DOC2B: variants seen among roughly 807,000 people sequenced by gnomAD.
The protein encoded by DOC2B is double C2 domain beta, also known as double C2-like domain-containing protein beta.
A neutral mutation model predicts 28.9 loss-of-function variants in DOC2B; 21 were observed. The observed-to-expected ratio is 0.73, with a 90% CI of 0.52 to 1.05. The LOEUF is 1.05. DOC2B is among the 50% of genes least tolerant of loss of function. The pLI is 0.00. For missense variants in DOC2B, 384 were observed against 421.1 expected, an observed-to-expected ratio of 0.91 and a Z score of 0.77; for synonymous variants, 194 against 178.1, an observed-to-expected ratio of 1.09 and a Z score of -0.71.
At chr17:174,593 G>A (rs889351096) in intron 1 of DOC2B, among the ~76,000 whole-genome samples, 5 of 152,082 alleles carry the variant, frequency 3.3e-5, no homozygotes, top group South Asian at 2.1e-4. Context: ...CGTATGTCAC[G>A]GTCATGTTCC....
At chr17:180,650 C>T (rs1427143992) in intron 1 of DOC2B, among the ~76,000 whole-genome samples, 1 of 152,002 alleles carries the variant, frequency 6.6e-6, no homozygotes, top group Admixed American at 6.6e-5. Flanking sequence ...CCCCAGCTCG[C>T]CCCAGCCCCG....
Position 181,457 on chromosome 17 carries a change from T to C in DOC2B, c.23A>G (p.Glu8Gly). The change falls in exon 1 of 9, where the codon GAG (glutamate) becomes GGG (glycine). Residue 8 changes from glutamate to glycine, a missense_variant. Transcript: ENST00000613549. The surrounding 1 kb of genome is among the most constrained non-coding windows in gnomAD (Gnocchi z 7.0). ...CTCCTGGATGCTGATGGTCGCCTTC[T>C]CCCCGCGCCGCCGGAGGGTCATGCA... MTLRRRG[E>G]KATISIQEHM... 8.8e-7 allele frequency: 1 copy of C among 1,131,830 alleles called. No individual in the cohort carries two copies. The highest frequency in any genetic ancestry group is 2.4e-5 in the South Asian group (1 of 41,744). The allele number at this position is 1,131,830 out of a possible 1,614,324, so 70.1% of individuals were successfully genotyped here. A position where few individuals can be genotyped will look rare whatever the true frequency, so the allele number is the denominator to read the frequency against.
At chr17:170,043 C>G (rs1305920377) in intron 2 of DOC2B, among the ~76,000 whole-genome samples, 2 of 152,232 alleles carry the variant, frequency 1.3e-5, no homozygotes, top group African/African-American at 2.4e-5. Context: ...TGGTGTCTGG[C>G]ATGGAGAGAG....
chr17:162,790 T>C (rs7209783), intron 3 of DOC2B, among the ~76,000 whole-genome samples: 112,397 of 152,182 alleles, frequency 0.74, 42,211 homozygotes, highest in East Asian at 0.86. Context: ...AGGAGGCCTG[T>C]GTGGAACTGG....
In DOC2B at chr17:152,574, C is replaced by T. The variant is rs557861022; in HGVS notation, c.924-3382G>A. On this transcript the variant is annotated intron_variant, in intron 6 of 8. Transcript: ENST00000613549. ...TTTGAGTCCAGCAGTTTGAGACCAG[C>T]CTGGCCAATACGGCAAAACCCAGTC... Among the ~76,000 whole-genome samples the T allele has an allele frequency of 1.4e-3, 217 of 152,190 alleles. 1 individual carries two copies. Among genetic ancestry groups the T allele is most frequent in the African/African-American group, 5.0e-3 (206 of 41,510 alleles).
At chr17:159,752 G>T (rs768991957) in intron 5 of DOC2B, among the ~76,000 whole-genome samples, 2 of 152,120 alleles carry the variant, frequency 1.3e-5, no homozygotes, top group Admixed American at 1.3e-4. Flanking sequence ...ATCCAGCAAC[G>T]CCCTGATCAT....
chr17:166,627 C>T (rs967776239), intron 2 of DOC2B, among the ~76,000 whole-genome samples: 6 of 152,222 alleles, frequency 3.9e-5, no homozygotes, highest in Non-Finnish European at 5.9e-5. Flanking sequence ...GAATACGTCT[C>T]ACGAGATCTG....
intron 6 of DOC2B, among the ~76,000 whole-genome samples, chr17:151,437 T>C (rs1002907134): frequency 5.9e-5 from 9 of 152,208 alleles, no homozygotes; most frequent in African/African-American, 2.2e-4. Flanking sequence ...AATTCAAAAA[T>C]CTGAAATCCC....
At chr17:178,362 A>G (rs1406949864) in intron 1 of DOC2B, among the ~76,000 whole-genome samples, 1 of 152,206 alleles carries the variant, frequency 6.6e-6, no homozygotes, top group Non-Finnish European at 1.5e-5. Flanking sequence ...AGCTGTCCTC[A>G]TTGTTTAAGC....
At chr17:174,275 G>A (rs1047330355) in intron 1 of DOC2B, among the ~76,000 whole-genome samples, 1 of 152,214 alleles carries the variant, frequency 6.6e-6, no homozygotes, top group Non-Finnish European at 1.5e-5. Context: ...CTTCCCTGCT[G>A]TGTGGCCAGC....
chr17:151,792 G>C (rs2040075132), intron 6 of DOC2B, among the ~76,000 whole-genome samples: 3 of 152,156 alleles, frequency 2.0e-5, no homozygotes, highest in Non-Finnish European at 4.4e-5. Context: ...CCTCAGCCTG[G>C]ACAACTTGTG....
intron 6 of DOC2B, among the ~76,000 whole-genome samples, chr17:150,380 C>T (rs536031036): frequency 7.4e-4 from 113 of 152,056 alleles, no homozygotes; most frequent in East Asian, 1.9e-3. Flanking sequence ...GTGAAGCCAC[C>T]GCCCAAAGAC....
rs370103166 is a variant in DOC2B, at chr17:161,456, G to C, written c.724C>G (p.His242Asp). Residue 242 changes from histidine (H) to aspartate (D), a missense_variant, in exon 5 of 9, where the codon CAC becomes GAC. Physicochemically the swap from His to Asp is moderately conservative, Grantham distance 81 (BLOSUM62 -1). Coordinates refer to ENST00000613549, the MANE Select transcript of DOC2B (RefSeq NM_003585.5). ...AGGCAGATGCTGAAGGTCTTGGTGT[G>C]GTTGGGTTTCAGCTTCTTCAGGGGC... ...RVPLKKLKPN[H>D]TKTFSICLEK... 19 of 1,551,598 alleles carry C rather than the reference G, an allele frequency of 1.2e-5. No homozygotes were observed. Among genetic ancestry groups the C allele is most frequent in the Non-Finnish European group, 1.5e-5 (17 of 1,146,988 alleles).
chr17:151,883 G>C (rs1036250381), intron 6 of DOC2B, among the ~76,000 whole-genome samples: 1 of 152,172 alleles, frequency 6.6e-6, no homozygotes, highest in Non-Finnish European at 1.5e-5. Flanking sequence ...GGACAGTTCC[G>C]CCAGCGTTGC....
Position 146,334 on chromosome 17 carries a change from A to G in DOC2B, c.*1107T>C, listed in dbSNP as rs2040018807. Reference sequence around the variant, plus strand: ...GGAATGCTTGCTTTTTTTCCCAAGCACAAGGGACCCTTTTCTCCACTGCAG... The same window carrying G: ...GGAATGCTTGCTTTTTTTCCCAAGCGCAAGGGACCCTTTTCTCCACTGCAG... On this transcript the variant is annotated 3_prime_UTR_variant, in exon 9 of 9. Transcript: ENST00000613549. 1.3e-5 allele frequency: 2 copies of G among 152,362 alleles called. No homozygotes were observed. The highest frequency in any genetic ancestry group is 3.9e-4 in the East Asian group (2 of 5,186). 9.4% of individuals were successfully genotyped at this position (152,362 alleles called of 1,614,324 possible).
At position 161,528 on chromosome 17, in the gene DOC2B, C is replaced by T; in HGVS notation, c.652G>A (p.Asp218Asn). 1 of 1,551,708 alleles carries T rather than the reference C, an allele frequency of 6.4e-7. No individual in the cohort carries two copies. Residue 218 changes from aspartate (D) to asparagine (N), a missense_variant, in exon 5 of 9, where the codon GAC becomes AAC. Physicochemically the swap from Asp to Asn is conservative, Grantham distance 23. Transcript: ENST00000613549. ...TCATTGTGCCGGAATTTGTCCTCGT[C>T]ACACACAGAGATCCTAGAGGGGGCG... The part of the protein sequence containing the change: ...IRKTLRISVC[D>N]EDKFRHNEFI...
At chr17:168,701 C>G (rs917619754) in intron 2 of DOC2B, among the ~76,000 whole-genome samples, 1 of 146,078 alleles carries the variant, frequency 6.8e-6, no homozygotes, top group African/African-American at 2.6e-5. Context: ...CACGAGATCT[C>G]ATGGTCTGAC....
chr17:158,099 C>T (rs1555522777), intron 5 of DOC2B, among the ~76,000 whole-genome samples: 1 of 152,174 alleles, frequency 6.6e-6, no homozygotes, highest in African/African-American at 2.4e-5. Flanking sequence ...CCAGTGCCTT[C>T]CCTGCCTCAG....
intron 2 of DOC2B, 25 bp from the exon 3 acceptor site, chr17:164,229 T>C (rs1398140545): frequency 2.6e-6 from 4 of 1,520,248 alleles, no homozygotes; most frequent in East Asian, 4.9e-5. Context: ...GCAAACGGTG[T>C]GAACTGGAAA....
Sources: gnomAD v4.1 joint callset for allele counts (sites outside exome capture counted in the v4.1 genomes callset) on GRCh38, gnomAD v4.1.1 for gene constraint, Gnocchi (gnomAD v3.1) non-coding constraint, MANE v1.5 for transcripts, NCBI Gene and HGNC (gene_info 2026-07-23, HGNC 2026-07-21) for gene names.